Variants in STK38L observed in about 807,000 individuals in gnomAD.
The protein encoded by STK38L is serine/threonine kinase 38 like, also known as serine/threonine-protein kinase 38-like.
STK38L carries 28 observed loss-of-function variants against 59.7 expected under a neutral mutation model. That is an observed-to-expected ratio of 0.47 (90% CI 0.35 to 0.64). The LOEUF (loss-of-function observed/expected upper bound fraction) is 0.64. STK38L is among the 30% of genes least tolerant of loss of function. STK38L has a pLI of 0.01. For synonymous variants in STK38L, 162 were observed against 176.8 expected, an observed-to-expected ratio of 0.92 and a Z score of 0.66; for missense variants, 314 against 555.8, an observed-to-expected ratio of 0.56 and a Z score of 4.37.
intron 1 of STK38L, among the ~76,000 whole-genome samples, chr12:27,274,485 C>T (rs1190829829): frequency 6.6e-6 from 1 of 152,156 alleles, no homozygotes; most frequent in Non-Finnish European, 1.5e-5. Flanking sequence ...TTTGTTTGTG[C>T]ATTTTATCAC....
intron 1 of STK38L, among the ~76,000 whole-genome samples, chr12:27,270,083 T>G (rs1219426803): frequency 3.3e-5 from 5 of 152,232 alleles, no homozygotes; most frequent in Admixed American, 2.6e-4. Flanking sequence ...CATTTGTCTC[T>G]CCGAATGTAC....
chr12:27,279,350 T>G (rs1380260403), intron 1 of STK38L, among the ~76,000 whole-genome samples: 1 of 152,178 alleles, frequency 6.6e-6, no homozygotes, highest in Non-Finnish European at 1.5e-5. Context: ...AGTCTCAAAA[T>G]GGACTGTTTC....
rs1366783234 is a variant in STK38L at position 27,322,527 on chromosome 12, AC to A, written c.*73del. 2.6e-6 allele frequency: 4 copies of A among 1,555,710 alleles called. No homozygotes were observed. Among genetic ancestry groups the A allele is most frequent in the African/African-American group, 2.8e-5 (2 of 72,560 alleles). ...TCACCAGGCTTGCTTGGCGTAGATA[AC>A]AATACACTGAAATACTCCTGAAGAT... On this transcript the variant is annotated 3_prime_UTR_variant, in exon 14 of 14. Coordinates refer to ENST00000389032, the MANE Select transcript of STK38L (RefSeq NM_015000.4).
chr12:27,317,632 C>T (rs773975033), intron 10 of STK38L, 179 bp downstream of exon 10: 4 of 707,134 alleles, frequency 5.7e-6, no homozygotes, highest in Non-Finnish European at 9.1e-6. Flanking sequence ...GATCCTGTTT[C>T]AGGAAGGTGG....
At chr12:27,286,654 G>A (rs1943779605) in intron 1 of STK38L, among the ~76,000 whole-genome samples, 1 of 151,824 alleles carries the variant, frequency 6.6e-6, no homozygotes, top group South Asian at 2.1e-4. Flanking sequence ...AAATCTTTGT[G>A]GCAATTTTGG....
chr12:27,303,775 T>G (rs551740805), intron 3 of STK38L, among the ~76,000 whole-genome samples: 7 of 152,090 alleles, frequency 4.6e-5, no homozygotes, highest in South Asian at 2.1e-4. Context: ...AGAATTTACA[T>G]TAGAGGTAAG....
At chr12:27,281,936 T>G (rs1188462239) in intron 1 of STK38L, among the ~76,000 whole-genome samples, 1 of 152,142 alleles carries the variant, frequency 6.6e-6, no homozygotes, top group Non-Finnish European at 1.5e-5. Context: ...CTTGGGAGGC[T>G]GATACCGGAG....
chr12:27,268,322 T>C (rs1591864002), intron 1 of STK38L, among the ~76,000 whole-genome samples: 1 of 151,342 alleles, frequency 6.6e-6, no homozygotes, highest in East Asian at 2.0e-4. Context: ...CCTGTGTCCA[T>C]GTGTTCTCAT....
At chr12:27,266,889 G>A (rs928793205) in intron 1 of STK38L, among the ~76,000 whole-genome samples, 13 of 152,172 alleles carry the variant, frequency 8.5e-5, no homozygotes, top group African/African-American at 3.1e-4. Flanking sequence ...CATAGGTTCA[G>A]TTGTTTAACC....
At position 27,325,188 on chromosome 12, in the gene STK38L, C is replaced by G. The variant is rs1023662088; in HGVS notation, c.*2733C>G. On this transcript the variant is annotated 3_prime_UTR_variant, in exon 14 of 14. Coordinates refer to ENST00000389032, the MANE Select transcript of STK38L (RefSeq NM_015000.4). ...TGTGCTGTCTGAAAATAAGGAATTGCTTATAAACCAGCCACTTCTGAATAC... is the reference window on the plus strand; with the variant it reads ...TGTGCTGTCTGAAAATAAGGAATTGGTTATAAACCAGCCACTTCTGAATAC... 5 of 152,036 alleles carry G rather than the reference C, an allele frequency of 3.3e-5. No individual in the cohort carries two copies. The highest frequency in any genetic ancestry group is 5.9e-5 in the Non-Finnish European group (4 of 67,952). The allele number at this position is 152,036 out of a possible 1,614,324, so 9.4% of individuals were successfully genotyped here. A position where few individuals can be genotyped will look rare whatever the true frequency, so the allele number is the denominator to read the frequency against.
At chr12:27,304,679 C>G (rs1212025138) in intron 3 of STK38L, among the ~76,000 whole-genome samples, 1 of 151,882 alleles carries the variant, frequency 6.6e-6, no homozygotes, top group Non-Finnish European at 1.5e-5. Context: ...CATATAATTG[C>G]ATTTATATAT....
rs1411491277 is a variant in STK38L, at chr12:27,314,608, G to T, written c.622G>T (p.Gly208Cys). The T allele has an allele frequency of 1.2e-6, 2 of 1,608,256 alleles. No individual in the cohort carries two copies. The highest frequency in any genetic ancestry group is 1.7e-6 in the Non-Finnish European group (2 of 1,177,412). ...VLAIDAIHQL[G>C]FIHRDIKPDN... ...GGCAATAGATGCGATCCACCAGTTG[G>T]GTTTCATCCATCGGGATATTAAGCC... is the stretch of plus-strand genomic sequence containing the variant. Residue 208 changes from glycine (G) to cysteine (C), a missense_variant, in exon 7 of 14, where the codon GGT becomes TGT. Coordinates refer to ENST00000389032, the MANE Select transcript of STK38L (RefSeq NM_015000.4).
intron 1 of STK38L, among the ~76,000 whole-genome samples, chr12:27,253,825 C>T (rs189130494): frequency 6.6e-5 from 10 of 152,226 alleles, no homozygotes; most frequent in South Asian, 2.1e-4. Context: ...GAATTGTTGC[C>T]GTGATGCTGG....
intron 1 of STK38L, among the ~76,000 whole-genome samples, chr12:27,277,354 A>AACACAC (rs138808945): frequency 1.3e-5 from 2 of 150,004 alleles, no homozygotes; most frequent in African/African-American, 2.5e-5. Context: ...CATCTCAAAA[A>AACACAC]ACACACACAC....
At chr12:27,291,953 A>G (rs1943905839) in intron 1 of STK38L, among the ~76,000 whole-genome samples, 1 of 152,212 alleles carries the variant, frequency 6.6e-6, no homozygotes, top group Admixed American at 6.5e-5. Context: ...TCTATTTATA[A>G]ATGGCCTGAG....
chr12:27,323,488 T>G lies in STK38L; in HGVS notation c.*1033T>G, dbSNP rs977583596. On this transcript the variant is annotated 3_prime_UTR_variant, in exon 14 of 14. Coordinates refer to ENST00000389032, the MANE Select transcript of STK38L (RefSeq NM_015000.4). ...AACTTTTATTTCTTTTGATGAAAAT[T>G]TTTCCTTTGATAGTACTTGTATTAT... is the stretch of plus-strand genomic sequence containing the variant. The G allele has an allele frequency of 2.0e-5, 3 of 152,600 alleles. No homozygotes were observed. The highest frequency in any genetic ancestry group is 4.4e-5 in the Non-Finnish European group (3 of 67,990). The allele number at this position is 152,600 out of a possible 1,614,324, so 9.5% of individuals were successfully genotyped here.
intron 6 of STK38L, among the ~76,000 whole-genome samples, chr12:27,313,975 C>G (rs1944522826): frequency 6.6e-6 from 1 of 152,146 alleles, no homozygotes; most frequent in South Asian, 2.1e-4. Context: ...ATTATCAGCT[C>G]TTTTGTGATT....
chr12:27,321,190 A>G (rs1944720169), intron 12 of STK38L, among the ~76,000 whole-genome samples: 1 of 152,226 alleles, frequency 6.6e-6, no homozygotes, highest in South Asian at 2.1e-4. Flanking sequence ...GGTAAAAAAT[A>G]TATATGGTTT....
In STK38L at chr12:27,308,283, T is replaced by C. The variant is rs1944364183; in HGVS notation, c.187-56T>C. The C allele has an allele frequency of 7.0e-7, 1 of 1,426,250 alleles. No individual in the cohort carries two copies. Among genetic ancestry groups the C allele is most frequent in the Non-Finnish European group, 9.3e-7 (1 of 1,074,982 alleles). 88.3% of individuals were successfully genotyped at this position (1,426,250 alleles called of 1,614,324 possible). A position where few individuals can be genotyped will look rare whatever the true frequency, so the allele number is the denominator to read the frequency against. ...TGTATCATCTTTTAATACTAGAAGC[T>C]CCATCAAAACAACCTAATTATAAAA... On this transcript the variant is annotated intron_variant, in intron 3 of 13. Transcript: ENST00000389032. The surrounding 1 kb of genome is among the most constrained non-coding windows in gnomAD (Gnocchi z 4.5).
Sources: gnomAD v4.1 joint callset for allele counts (sites outside exome capture counted in the v4.1 genomes callset) on GRCh38, gnomAD v4.1.1 for gene constraint, Gnocchi (gnomAD v3.1) non-coding constraint, MANE v1.5 for transcripts, NCBI Gene and HGNC (gene_info 2026-07-23, HGNC 2026-07-21) for gene names.